The following RALGAPA1 variants were observed in gnomAD, a reference collection of about 807,000 sequenced individuals.
RALGAPA1 encodes the protein ral GTPase-activating protein subunit alpha-1.
RALGAPA1 carries 52 observed loss-of-function variants against 269.6 expected under a neutral mutation model. The observed-to-expected ratio is 0.19, with a 90% CI of 0.15 to 0.24. The LOEUF (loss-of-function observed/expected upper bound fraction) is 0.24. Among genes scored for constraint, RALGAPA1 ranks in the 10% least tolerant of loss-of-function variants. RALGAPA1 has a pLI of 1.00. For missense variants in RALGAPA1, 1,917 were observed against 3,013.9 expected (o/e 0.64, Z 8.52); for synonymous variants, 817 against 1,008.3 (o/e 0.81, Z 3.60).
intron 1 of RALGAPA1, among the ~76,000 whole-genome samples, chr14:35,801,692 C>T (rs1342169514): frequency 1.3e-5 from 2 of 152,132 alleles, no homozygotes; most frequent in Non-Finnish European, 2.9e-5. Context: ...TTCAATAAAT[C>T]CAACATCCAT....
At chr14:35,610,377 G>C (rs79669481) in intron 35 of RALGAPA1, among the ~76,000 whole-genome samples, 17,369 of 151,434 alleles carry the variant, frequency 0.11, 1,056 homozygotes, top group South Asian at 0.13. Context: ...CCGCCTCCCG[G>C]GTTCACACCA....
intron 33 of RALGAPA1, among the ~76,000 whole-genome samples, chr14:35,630,480 C>T (rs2139665660): frequency 6.6e-6 from 1 of 152,298 alleles, no homozygotes; most frequent in Non-Finnish European, 1.5e-5. Context: ...AGAGGCTTCA[C>T]CATGTTGGTC....
At chr14:35,615,163 T>C (rs1282558615) in intron 35 of RALGAPA1, among the ~76,000 whole-genome samples, 1 of 152,148 alleles carries the variant, frequency 6.6e-6, no homozygotes, top group African/African-American at 2.4e-5. Flanking sequence ...AAATGTTCTA[T>C]AAGAATATGT....
intron 4 of RALGAPA1, among the ~76,000 whole-genome samples, chr14:35,763,470 T>C (rs1236613384): frequency 6.6e-6 from 1 of 152,072 alleles, no homozygotes; most frequent in African/African-American, 2.4e-5. Context: ...TACTACACAT[T>C]TATAAATCCA....
At chr14:35,781,479 A>C (rs1297318116) in intron 1 of RALGAPA1, among the ~76,000 whole-genome samples, 1 of 152,192 alleles carries the variant, frequency 6.6e-6, no homozygotes, top group Non-Finnish European at 1.5e-5. Context: ...CAATATTCTC[A>C]TATGAAAATC....
chr14:35,542,643 C>T (rs1367149781), intron 41 of RALGAPA1: 1 of 152,208 alleles, frequency 6.6e-6, no homozygotes, highest in Non-Finnish European at 1.5e-5. Context: ...CATTTCATTT[C>T]ACATCCTACT....
chr14:35,750,805 T>A, intron 8 of RALGAPA1, 115 bp from the exon 9 acceptor site: 1 of 884,274 alleles, frequency 1.1e-6, no homozygotes, highest in Non-Finnish European at 1.7e-6. Flanking sequence ...GTTTCAGAAG[T>A]AGCTTTAGCA....
chr14:35,582,327 T>A (rs748043937), intron 37 of RALGAPA1, among the ~76,000 whole-genome samples: 25 of 152,230 alleles, frequency 1.6e-4, no homozygotes, highest in Non-Finnish European at 3.5e-4. Flanking sequence ...GTTCTGGGTC[T>A]TCCAGTTTCT....
At chr14:35,690,681 T>C (rs2066402947) in intron 17 of RALGAPA1, among the ~76,000 whole-genome samples, 2 of 152,194 alleles carry the variant, frequency 1.3e-5, no homozygotes, top group African/African-American at 4.8e-5. Context: ...CACTTAAATC[T>C]GCTAGGAAGA....
intron 26 of RALGAPA1, among the ~76,000 whole-genome samples, chr14:35,667,417 AAACTT>A (rs974143791): frequency 2.0e-5 from 3 of 152,126 alleles, no homozygotes; most frequent in African/African-American, 7.2e-5. Context: ...AACAACAACA[AAACTT>A]AACTGTTTAT....
At chr14:35,611,298 G>A (rs2059916035) in intron 35 of RALGAPA1, among the ~76,000 whole-genome samples, 1 of 151,760 alleles carries the variant, frequency 6.6e-6, no homozygotes, top group Admixed American at 6.6e-5. Context: ...GATAGAGGGG[G>A]CGAGACCATT....
chr14:35,584,125 A>T (rs1406764127), intron 37 of RALGAPA1, among the ~76,000 whole-genome samples: 1 of 152,174 alleles, frequency 6.6e-6, no homozygotes, highest in Non-Finnish European at 1.5e-5. Flanking sequence ...ATGTATTTGA[A>T]TATGTATGCT....
chr14:35,550,776 C>T (rs2054925108), intron 39 of RALGAPA1, among the ~76,000 whole-genome samples: 1 of 152,136 alleles, frequency 6.6e-6, no homozygotes, highest in African/African-American at 2.4e-5. Flanking sequence ...CTATTACCTT[C>T]CATTCTGTAC....
chr14:35,677,786 T>C (rs898730050), intron 22 of RALGAPA1, 164 bp downstream of exon 22: 1 of 641,028 alleles, frequency 1.6e-6, no homozygotes. Context: ...CAAATATCTT[T>C]AAGAACAAGA....
chr14:35,635,413 G>C, intron 32 of RALGAPA1, 51 bp downstream of exon 32: 1 of 1,492,966 alleles, frequency 6.7e-7, no homozygotes, highest in South Asian at 1.4e-5. Context: ...TATTTCTCTA[G>C]GTTTTAAAAA....
chr14:35,766,568 A>G (rs964118302), intron 4 of RALGAPA1: 29 of 828,198 alleles, frequency 3.5e-5, no homozygotes, highest in Non-Finnish European at 5.3e-5. Context: ...CTGATGGGCT[A>G]CAATATGGTC....
At chr14:35,788,270 A>G (rs965154692) in intron 1 of RALGAPA1, among the ~76,000 whole-genome samples, 4 of 151,944 alleles carry the variant, frequency 2.6e-5, no homozygotes, top group African/African-American at 9.7e-5. Context: ...TGCACCTGGT[A>G]CTCAGTTTGT....
intron 7 of RALGAPA1, among the ~76,000 whole-genome samples, chr14:35,754,434 T>C (rs547304718): frequency 1.3e-5 from 2 of 152,236 alleles, no homozygotes; most frequent in East Asian, 3.9e-4. Flanking sequence ...TCACCCAAGA[T>C]ATATGGATGA....
intron 41 of RALGAPA1, among the ~76,000 whole-genome samples, chr14:35,546,882 T>C (rs2054509703): frequency 6.6e-6 from 1 of 152,088 alleles, no homozygotes; most frequent in Admixed American, 6.6e-5. Flanking sequence ...TTGAGATAAC[T>C]GGAAAAAAAT....
Sources: allele counts gnomAD v4.1 joint callset (sites outside exome capture counted in the v4.1 genomes callset), GRCh38; gene constraint gnomAD v4.1.1; transcripts MANE v1.5; gene names NCBI Gene and HGNC (gene_info 2026-07-23, HGNC 2026-07-21).